CLU: variants seen among roughly 807,000 people sequenced by gnomAD.
CLU encodes the protein clusterin.
Under a neutral mutation model 46.4 loss-of-function variants are expected in CLU, and 25 were observed. That is an observed-to-expected ratio of 0.54 (90% CI 0.39 to 0.75). CLU has a LOEUF of 0.75. CLU is among the 30% of genes least tolerant of loss of function. CLU has a pLI of 0.00. For missense variants in CLU, 504 were observed against 592.1 expected, an observed-to-expected ratio of 0.85 and a Z score of 1.54; for synonymous variants, 235 against 235.1, an observed-to-expected ratio of 1.00 and a Z score of 0.00.
intron 6 of CLU, among the ~76,000 whole-genome samples, chr8:27,603,078 C>T (rs746961097): frequency 6.6e-6 from 1 of 152,150 alleles, no homozygotes; most frequent in Non-Finnish European, 1.5e-5. Context: ...GCTGCACTCT[C>T]AACTGTAATC....
intron 1 of CLU, 87 bp from the exon 2 acceptor site, chr8:27,610,687 C>T (rs1348356750): frequency 2.1e-6 from 2 of 937,854 alleles, no homozygotes; most frequent in Admixed American, 1.7e-5. Flanking sequence ...CTCCCCAGGG[C>T]CTCACTGCCC....
rs201084721 is a variant in CLU at position 27,602,571 on chromosome 8, AG to A, written c.934+1719del. On this transcript the variant is annotated intron_variant, in intron 6 of 8. Transcript: ENST00000316403. ...AGCTGTAATGGTGCCACTGCACTCC[AG>A]GCTGGGTGATAGAGAGAGACCCTGT... Among the ~76,000 whole-genome samples, 54 of 151,102 alleles carry A rather than the reference AG, an allele frequency of 3.6e-4. 1 individual carries two copies. The East Asian group carries it at 9.8e-3, about 28-fold the overall frequency.
chr8:27,607,129 G>A (rs1800836454), intron 3 of CLU, among the ~76,000 whole-genome samples: 4 of 152,214 alleles, frequency 2.6e-5, no homozygotes, highest in Admixed American at 2.6e-4. Context: ...CTTGGGGTCA[G>A]GAGTTTGAGA....
At chr8:27,604,592 C>T (rs535286908) in intron 5 of CLU, among the ~76,000 whole-genome samples, 197 bp from the exon 6 acceptor site, 1 of 152,324 alleles carries the variant, frequency 6.6e-6, no homozygotes, top group South Asian at 2.1e-4. Context: ...CTTGCCTCAG[C>T]CTCCCGAGTA....
chr8:27,603,980 G>T (rs994438167), intron 6 of CLU, among the ~76,000 whole-genome samples: 1 of 152,208 alleles, frequency 6.6e-6, no homozygotes, highest in African/African-American at 2.4e-5. Flanking sequence ...AATCACCGGG[G>T]AGTCCCAGGG....
At chr8:27,605,783 CCCAACAATTTGGGAGG>C (rs1800811508) in intron 4 of CLU, among the ~76,000 whole-genome samples, 1 of 152,166 alleles carries the variant, frequency 6.6e-6, no homozygotes, top group Non-Finnish European at 1.5e-5. Context: ...CATCTATAAT[CCCAACAATTTGGGAGG>C]CCAAGGTAGG....
chr8:27,601,793 CA>C lies in CLU; in HGVS notation c.935-1785del, dbSNP rs1027893098. Among the ~76,000 whole-genome samples, 395 of 150,648 alleles carry C rather than the reference CA, an allele frequency of 2.6e-3. 4 individuals are homozygous for C. The highest frequency in any genetic ancestry group is 9.1e-3 in the African/African-American group (372 of 40,958). On this transcript the variant is annotated intron_variant, in intron 6 of 8. Transcript: ENST00000316403. ...TAATAAATAAACTTCATTATTTTAC[CA>C]AAAAAAAATTTAAAAATAAGAAAAA...
Position 27,605,149 on chromosome 8 carries a change from C to G in CLU, c.604G>C (p.Asp202His). The change falls in exon 5 of 9, where the codon GAT becomes CAT. Residue 202 changes from aspartate (D) to histidine (H), a missense_variant. Transcript: ENST00000316403. ...CTGAAGGGCAGGTAGTGGTAGGTAT[C>G]CTGGGGCTCCCGGGTGAAGAACCTG... ...QDRFFTREPQDTYHYLPFSLP... is the reference protein window; with the variant it reads ...QDRFFTREPQHTYHYLPFSLP... 6.2e-7 allele frequency: 1 copy of G among 1,614,130 alleles called. No individual in the cohort carries two copies. Among genetic ancestry groups the G allele is most frequent in the Non-Finnish European group, 8.5e-7 (1 of 1,180,012 alleles).
intron 6 of CLU, among the ~76,000 whole-genome samples, chr8:27,602,530 G>A (rs1445919852): frequency 6.6e-6 from 1 of 151,642 alleles, no homozygotes. Context: ...CAGCCCAAGA[G>A]GTCTAGGCTG....
At chr8:27,609,310 A>G (rs1585256028) in intron 2 of CLU, among the ~76,000 whole-genome samples, 1 of 152,096 alleles carries the variant, frequency 6.6e-6, no homozygotes, top group Non-Finnish European at 1.5e-5. Flanking sequence ...AATGCAGACC[A>G]TGGGAGCCGG....
In CLU at chr8:27,604,283, C is replaced by G; in HGVS notation, c.934+8G>C. 6.2e-7 allele frequency: 1 copy of G among 1,611,842 alleles called. No homozygotes were observed. Among genetic ancestry groups the G allele is most frequent in the Non-Finnish European group, 8.5e-7 (1 of 1,178,216 alleles). ...GGGGGACGGCTTGTGGTCTGGACCC[C>G]GACTCACCCACAGACAAGATCTCCC... On this transcript the variant is annotated splice_region_variant and intron_variant, in intron 6 of 8. Coordinates refer to ENST00000316403, the MANE Select transcript of CLU (RefSeq NM_001831.4).
Position 27,605,123 on chromosome 8 carries a change from G to C in CLU, c.630C>G (p.Ser210Arg), listed in dbSNP as rs1000466509. ...PQDTYHYLPFSLPHRRPHFFF... is the reference protein window; with the variant it reads ...PQDTYHYLPFRLPHRRPHFFF... ...AGAAGTGAGGCCTCCGGTGGGGCAG[G>C]CTGAAGGGCAGGTAGTGGTAGGTAT... The change falls in exon 5 of 9, where the codon AGC (serine) becomes AGG (arginine). Residue 210 changes from serine to arginine, a missense_variant. By Grantham distance (110) the Ser-to-Arg change is moderately radical. Transcript: ENST00000316403. The C allele has an allele frequency of 1.2e-6, 2 of 1,614,094 alleles. No homozygotes were observed. The highest frequency in any genetic ancestry group is 1.3e-5 in the African/African-American group (1 of 74,922).
Position 27,599,016 on chromosome 8 carries a change from T to A in CLU, c.1165-381A>T, listed in dbSNP as rs1051696630. The A allele has an allele frequency of 6.5e-6, 1 of 154,650 alleles. No individual in the cohort carries two copies. The highest frequency in any genetic ancestry group is 2.4e-5 in the African/African-American group (1 of 41,426). The allele number at this position is 154,650 out of a possible 1,614,324, so 9.6% of individuals were successfully genotyped here. A position where few individuals can be genotyped will look rare whatever the true frequency, so the allele number is the denominator to read the frequency against. On this transcript the variant is annotated intron_variant, in intron 7 of 8. Coordinates refer to ENST00000316403, the MANE Select transcript of CLU (RefSeq NM_001831.4). This position sits in a 1 kb window ranked among gnomAD's most constrained non-coding sequence, Gnocchi z 4.0. Reference sequence around the variant, plus strand: ...AGTTCCCAGTACTAGAAATAAGTTTTATTTGATTTTTTAACTTTATTTTAT... The same window carrying A: ...AGTTCCCAGTACTAGAAATAAGTTTAATTTGATTTTTTAACTTTATTTTAT...
chr8:27,605,401 C>T lies in CLU; in HGVS notation c.418-66G>A, dbSNP rs1800804680. 5.1e-6 allele frequency: 8 copies of T among 1,565,622 alleles called. No individual in the cohort carries two copies. In the African/African-American group the frequency reaches 6.8e-5, roughly 13 times the overall value. ...AAGGCCACGGCCTCCTGGCCTCCCA[C>T]CCCCTGGTGAGCCAGGCCAGGCCCT... On this transcript the variant is annotated intron_variant, in intron 4 of 8. Coordinates refer to ENST00000316403, the MANE Select transcript of CLU (RefSeq NM_001831.4).
intron 3 of CLU, chr8:27,608,665 G>A (rs576386133): frequency 1.1e-5 from 6 of 567,356 alleles, no homozygotes; most frequent in Non-Finnish European, 1.3e-5. Context: ...GAACTAGCAT[G>A]TGATCAGGGC....
rs1319744955 is a variant in CLU at position 27,609,568 on chromosome 8, G to GCA, written c.98-483_98-482insTG. On this transcript the variant is annotated intron_variant, in intron 2 of 8. Coordinates refer to ENST00000316403, the MANE Select transcript of CLU (RefSeq NM_001831.4). ...GAGTAAATGAGTAAGGTATAGCACT[G>GCA]GTGACAAATGCAGCGAAACACTGTG... Among the ~76,000 whole-genome samples, 31 of 152,306 alleles carry GCA rather than the reference G, an allele frequency of 2.0e-4. No homozygotes were observed. In the South Asian group the frequency reaches 6.4e-3, roughly 32 times the overall value.
rs765763029 is a variant in CLU at position 27,610,592 on chromosome 8, T to C, written c.-21A>G. 3.7e-6 allele frequency: 6 copies of C among 1,608,370 alleles called. No individual in the cohort carries two copies. Among genetic ancestry groups the C allele is most frequent in the Non-Finnish European group, 4.3e-6 (5 of 1,174,742 alleles). On this transcript the variant is annotated 5_prime_UTR_variant, in exon 2 of 9. Coordinates refer to ENST00000316403, the MANE Select transcript of CLU (RefSeq NM_001831.4). The stretch of plus-strand genomic sequence containing the variant: ...ATCATGCCTCCAATTCTGGAGTCTT[T>C]GCACGCCTCTGCAGAGAACAGGAGA...
At chr8:27,610,414 T>G in intron 2 of CLU, 61 bp downstream of exon 2, 3 of 1,344,498 alleles carry the variant, frequency 2.2e-6, no homozygotes, top group Non-Finnish European at 3.2e-6. Flanking sequence ...CAGAATTAGC[T>G]ACCCTGCCCT....
chr8:27,598,172 G>A lies in CLU; in HGVS notation c.*69C>T, dbSNP rs1259178898. On this transcript the variant is annotated 3_prime_UTR_variant, in exon 9 of 9. Coordinates refer to ENST00000316403, the MANE Select transcript of CLU (RefSeq NM_001831.4). ...GGTGACGTGCAGAGCTCTCTCTGGG[G>A]GGCTGCAGCTCATCTTGGGGGGAGC... 1.9e-6 allele frequency: 3 copies of A among 1,550,830 alleles called. No homozygotes were observed. The highest frequency in any genetic ancestry group is 1.1e-5 in the South Asian group (1 of 88,984).
Sources: gnomAD v4.1 joint callset for allele counts (sites outside exome capture counted in the v4.1 genomes callset) on GRCh38, gnomAD v4.1.1 for gene constraint, Gnocchi (gnomAD v3.1) non-coding constraint, MANE v1.5 for transcripts, NCBI Gene and HGNC (gene_info 2026-07-23, HGNC 2026-07-21) for gene names.